Variants in CDH13 observed in about 807,000 individuals in gnomAD.
The protein encoded by CDH13 is cadherin 13, also known as cadherin-13.
Under a neutral mutation model 63.8 loss-of-function variants are expected in CDH13, and 24 were observed. The observed-to-expected ratio is 0.38, with a 90% CI of 0.27 to 0.53. The LOEUF (loss-of-function observed/expected upper bound fraction) is 0.53, where lower values mean the gene tolerates loss of function less well. Among genes scored for constraint, CDH13 ranks in the 20% least tolerant of loss-of-function variants. The pLI, the probability that CDH13 is intolerant of heterozygous loss-of-function variation, is 0.85. For synonymous variants in CDH13, 503 were observed against 355.3 expected, an observed-to-expected ratio of 1.42 and a Z score of -4.67; for missense variants, 1,049 against 903.1, an observed-to-expected ratio of 1.16 and a Z score of -2.07.
At chr16:83,565,300 C>T (rs992683349) in intron 7 of CDH13, among the ~76,000 whole-genome samples, 14 of 151,892 alleles carry the variant, frequency 9.2e-5, no homozygotes, top group African/African-American at 2.4e-4. Context: ...CCCTCATCTG[C>T]GCTATAGGCA....
chr16:82,775,309 A>G (rs1218496314), intron 1 of CDH13, among the ~76,000 whole-genome samples: 1 of 152,192 alleles, frequency 6.6e-6, no homozygotes, highest in East Asian at 1.9e-4. Flanking sequence ...TAATACAGTA[A>G]AGTAACCATT....
Position 82,734,229 on chromosome 16 carries a change from C to T in CDH13, c.45+107092C>T, listed in dbSNP as rs183919413. On this transcript the variant is annotated intron_variant, in intron 1 of 13. Coordinates refer to ENST00000567109, the MANE Select transcript of CDH13 (RefSeq NM_001257.5). ...TCAGCCAGGCCCATTAGTTTATGCA[C>T]TATCTGTGTCTGTTTTTGTGTTCAA... Among the ~76,000 whole-genome samples, 21 of 152,310 alleles carry T rather than the reference C, an allele frequency of 1.4e-4. No individual in the cohort carries two copies. In the East Asian group the frequency reaches 4.1e-3, roughly 29 times the overall value.
At chr16:83,788,501 G>T (rs1477576409) in intron 13 of CDH13, among the ~76,000 whole-genome samples, 2 of 151,120 alleles carry the variant, frequency 1.3e-5, no homozygotes, top group Non-Finnish European at 2.9e-5. Flanking sequence ...AGACTTGGCA[G>T]TATTTTTTTC....
chr16:82,994,026 G>A (rs1911937998), intron 2 of CDH13, among the ~76,000 whole-genome samples: 1 of 152,154 alleles, frequency 6.6e-6, no homozygotes, highest in Admixed American at 6.5e-5. Context: ...GTCTTCTGCA[G>A]AGCCAGCCCA....
chr16:83,713,921 C>T (rs1326374174), intron 10 of CDH13, among the ~76,000 whole-genome samples: 1 of 152,212 alleles, frequency 6.6e-6, no homozygotes, highest in Non-Finnish European at 1.5e-5. Context: ...AAAAGGCCAG[C>T]AGTAGCTCTG....
intron 1 of CDH13, among the ~76,000 whole-genome samples, chr16:82,678,950 G>C (rs1302165355): frequency 6.6e-6 from 1 of 152,178 alleles, no homozygotes; most frequent in African/African-American, 2.4e-5. Flanking sequence ...CAGAAGGATA[G>C]GGCCAATTCA....
At chr16:82,768,395 G>A (rs1484267115) in intron 1 of CDH13, among the ~76,000 whole-genome samples, 1 of 152,158 alleles carries the variant, frequency 6.6e-6, no homozygotes, top group Admixed American at 6.5e-5. Context: ...GACCATTTCA[G>A]CCACTACAGC....
At chr16:83,190,279 T>G (rs754877114) in intron 4 of CDH13, among the ~76,000 whole-genome samples, 15 of 152,166 alleles carry the variant, frequency 9.9e-5, no homozygotes, top group Non-Finnish European at 1.9e-4. Context: ...ACCATGATTG[T>G]GGTACAGCTG....
At chr16:83,232,545 C>G (rs540957228) in intron 5 of CDH13, among the ~76,000 whole-genome samples, 1 of 107,958 alleles carries the variant, frequency 9.3e-6, no homozygotes, top group African/African-American at 3.8e-5. Flanking sequence ...ACAACAACAA[C>G]AAACAAACAA....
Position 83,383,159 on chromosome 16 carries a change from T to G in CDH13, c.781+38153T>G, listed in dbSNP as rs1056272161. On this transcript the variant is annotated intron_variant, in intron 6 of 13. Transcript: ENST00000567109. Reference sequence around the variant, plus strand: ...TTCTGCAGTGTGATGCTCAACGTGGTCCATCTGATGTTTCCTCGGGACCAG... The same window carrying G: ...TTCTGCAGTGTGATGCTCAACGTGGGCCATCTGATGTTTCCTCGGGACCAG... The G allele has an allele frequency of 4.2e-4, 64 of 152,146 alleles. 2 individuals are homozygous for G. Among genetic ancestry groups the G allele is most frequent in the African/African-American group, 1.5e-3 (63 of 41,422 alleles). The allele number at this position is 152,146 out of a possible 1,614,324, so 9.4% of individuals were successfully genotyped here.
At chr16:83,059,923 A>T (rs567628391) in intron 3 of CDH13, among the ~76,000 whole-genome samples, 1 of 151,136 alleles carries the variant, frequency 6.6e-6, no homozygotes, top group Non-Finnish European at 1.5e-5. Context: ...CCTCCCGAGT[A>T]GCTGGGACTA....
At chr16:82,999,437 A>G (rs1266902657) in intron 2 of CDH13, among the ~76,000 whole-genome samples, 1 of 150,610 alleles carries the variant, frequency 6.6e-6, no homozygotes, top group African/African-American at 2.5e-5. Context: ...TATCATAACC[A>G]CATAACACAT....
At chr16:82,980,674 G>C (rs933402447) in intron 2 of CDH13, among the ~76,000 whole-genome samples, 1 of 152,096 alleles carries the variant, frequency 6.6e-6, no homozygotes, top group Non-Finnish European at 1.5e-5. Context: ...TAAAGATTTT[G>C]GTGACATTTT....
intron 2 of CDH13, among the ~76,000 whole-genome samples, chr16:82,922,580 G>A (rs929764733): frequency 2.0e-5 from 3 of 152,088 alleles, no homozygotes; most frequent in Admixed American, 6.6e-5. Context: ...TGCTATAACA[G>A]GTATGCCTTC....
intron 1 of CDH13, among the ~76,000 whole-genome samples, chr16:82,813,323 C>T (rs1241554247): frequency 6.6e-6 from 1 of 152,032 alleles, no homozygotes; most frequent in Admixed American, 6.6e-5. Context: ...CACCTGTGCT[C>T]CTCTTGGGAT....
At chr16:83,129,748 C>G (rs2151652409) in intron 4 of CDH13, among the ~76,000 whole-genome samples, 1 of 152,326 alleles carries the variant, frequency 6.6e-6, no homozygotes, top group Non-Finnish European at 1.5e-5. Context: ...GAACCTTAGA[C>G]AAAAAGGATT....
intron 2 of CDH13, among the ~76,000 whole-genome samples, chr16:82,926,774 G>A (rs1209093519): frequency 1.3e-5 from 2 of 152,180 alleles, no homozygotes; most frequent in Non-Finnish European, 2.9e-5. Flanking sequence ...CCAAACTGGG[G>A]TTTTCATCTC....
At chr16:83,052,776 C>CAAAAAAAAAAAAAAAAAAAA (rs71148805) in intron 3 of CDH13, among the ~76,000 whole-genome samples, 1 of 92,920 alleles carries the variant, frequency 1.1e-5, no homozygotes, top group African/African-American at 4.8e-5. Context: ...GACTTTATCT[C>CAAAAAAAAAAAAAAAAAAAA]AAAAAAAAAA....
At chr16:82,700,690 G>C (rs1444992849) in intron 1 of CDH13, among the ~76,000 whole-genome samples, 1 of 152,064 alleles carries the variant, frequency 6.6e-6, no homozygotes, top group South Asian at 2.1e-4. Flanking sequence ...ACTGTGAGAA[G>C]ATCACAGCTT....
Sources: allele counts gnomAD v4.1 joint callset (sites outside exome capture counted in the v4.1 genomes callset), GRCh38; gene constraint gnomAD v4.1.1; transcripts MANE v1.5; gene names NCBI Gene and HGNC (gene_info 2026-07-23, HGNC 2026-07-21).